GSTZ1: variants seen among roughly 807,000 people sequenced by gnomAD.
The protein encoded by GSTZ1 is maleylacetoacetate isomerase.
A neutral mutation model predicts 35.9 loss-of-function variants in GSTZ1; 34 were observed. The ratio of observed to expected loss-of-function variants is 0.95; its 90% confidence interval spans 0.72 to 1.26. The LOEUF is 1.26. GSTZ1 is among the 50% of genes most tolerant of loss of function. GSTZ1 has a pLI of 0.00. For synonymous variants in GSTZ1, 93 were observed against 101.2 expected, an observed-to-expected ratio of 0.92 and a Z score of 0.49; for missense variants, 263 against 271.7, an observed-to-expected ratio of 0.97 and a Z score of 0.23.
At chr14:77,324,709 G>A (rs1892220163) in intron 1 of GSTZ1, 161 bp from the exon 2 acceptor site, 2 of 1,171,840 alleles carry the variant, frequency 1.7e-6, no homozygotes, top group Non-Finnish European at 2.5e-6. Flanking sequence ...GGAGCCAAGG[G>A]ACCTCATGAG....
intron 5 of GSTZ1, chr14:77,328,834 C>T: frequency 2.2e-6 from 1 of 459,128 alleles, no homozygotes; most frequent in Admixed American, 3.4e-5. Flanking sequence ...CCTGCCACAG[C>T]CATGGCCGCG....
chr14:77,328,264 G>A (rs1039047845), intron 5 of GSTZ1: 18 of 547,026 alleles, frequency 3.3e-5, no homozygotes, highest in Admixed American at 1.9e-4. Context: ...TTCCAAGGAC[G>A]CATGTACAGG....
At chr14:77,321,260 T>C (rs1391818115) in intron 1 of GSTZ1, 77 bp downstream of exon 1, 1 of 1,526,158 alleles carries the variant, frequency 6.6e-7, no homozygotes. Flanking sequence ...AGAAGTGAGC[T>C]GCACCGCCCG....
chr14:77,330,518 G>T (rs369922442), intron 8 of GSTZ1, among the ~76,000 whole-genome samples, 159 bp downstream of exon 8: 25 of 152,300 alleles, frequency 1.6e-4, no homozygotes, highest in African/African-American at 5.5e-4. Context: ...GAGGGCAGAA[G>T]AAATTGGGGC....
rs546296547 is a variant in GSTZ1, at chr14:77,329,201, G to C, written c.421G>C (p.Ala141Pro). The C allele has an allele frequency of 3.8e-6, 6 of 1,591,322 alleles. No homozygotes were observed. In the African/African-American group the frequency reaches 6.7e-5, roughly 18 times the overall value. ...GAACGCCATCACTTGTGGCTTTAAC[G>C]GTGAGTCCTCACCTCTGTGAGCTGC... ...AQNAITCGFN[A>P]LEQILQSTAG... The change falls in exon 6 of 9, where the codon GCC becomes CCC. Residue 141 changes from alanine (A) to proline (P), a missense_variant and splice_region_variant. By Grantham distance (27) the Ala-to-Pro change is conservative (BLOSUM62 -1). Transcript: ENST00000216465.
intron 6 of GSTZ1, 71 bp downstream of exon 6, chr14:77,329,272 G>A: frequency 1.9e-6 from 2 of 1,033,468 alleles, no homozygotes; most frequent in East Asian, 2.4e-5. Context: ...ACAGGGGCCT[G>A]GGTATCTGAA....
Position 77,322,785 on chromosome 14 carries a change from C to T in GSTZ1, c.15+1602C>T, listed in dbSNP as rs555283719. 8 of 850,180 alleles carry T rather than the reference C, an allele frequency of 9.4e-6. No homozygotes were observed. The Admixed American group carries it at 2.5e-4, about 26-fold the overall frequency. 52.7% of individuals were successfully genotyped at this position (850,180 alleles called of 1,614,324 possible). A position where few individuals can be genotyped will look rare whatever the true frequency, so the allele number is the denominator to read the frequency against. ...GGGCTTGGGAACCATCTTGGAAGGGCCTAGGTTCCCACTTACACCCTTGCC... is the reference window on the plus strand; with the variant it reads ...GGGCTTGGGAACCATCTTGGAAGGGTCTAGGTTCCCACTTACACCCTTGCC... On this transcript the variant is annotated intron_variant, in intron 1 of 8. Transcript: ENST00000216465.
In GSTZ1 at chr14:77,321,188, G is replaced by A; in HGVS notation, c.15+5G>A. On this transcript the variant is annotated splice_donor_5th_base_variant and intron_variant, in intron 1 of 8. Coordinates refer to ENST00000216465, the MANE Select transcript of GSTZ1 (RefSeq NM_145870.3). ...TGCCAGATGCAGGCGGGGAAGGTCTGTGACGCGCACCCGGGTGGAGGGAAG... is the reference window on the plus strand; with the variant it reads ...TGCCAGATGCAGGCGGGGAAGGTCTATGACGCGCACCCGGGTGGAGGGAAG... 6.7e-7 allele frequency: 1 copy of A among 1,482,086 alleles called. No individual in the cohort carries two copies. Among genetic ancestry groups the A allele is most frequent in the Non-Finnish European group, 9.0e-7 (1 of 1,108,808 alleles). 91.8% of individuals were successfully genotyped at this position (1,482,086 alleles called of 1,614,324 possible).
intron 3 of GSTZ1, chr14:77,327,195 A>G: frequency 1.7e-6 from 1 of 592,338 alleles, no homozygotes; most frequent in Non-Finnish European, 3.0e-6. Flanking sequence ...GGCCCTCTGG[A>G]TGGCTGACTA....
intron 2 of GSTZ1, chr14:77,326,479 T>TG (rs541403775): frequency 9.5e-4 from 199 of 209,006 alleles, no homozygotes; most frequent in African/African-American, 4.1e-3. Context: ...TTTAAGGCCC[T>TG]GGGGGGGCAG....
At chr14:77,329,075 C>G in intron 5 of GSTZ1, 48 bp from the exon 6 acceptor site, 1 of 1,339,334 alleles carries the variant, frequency 7.5e-7, no homozygotes, top group East Asian at 2.3e-5. Context: ...AAGGGGTAGC[C>G]CCCACCCAGC....
intron 5 of GSTZ1, 157 bp downstream of exon 5, chr14:77,328,194 T>C: frequency 1.4e-6 from 1 of 735,798 alleles, no homozygotes; most frequent in South Asian, 1.8e-5. Context: ...GGGGTGAAGA[T>C]CGCAATCTCA....
intron 1 of GSTZ1, chr14:77,321,432 C>G (rs139988590): frequency 6.6e-7 from 1 of 1,525,146 alleles, no homozygotes; most frequent in Non-Finnish European, 8.8e-7. Flanking sequence ...GCTGTCCGGT[C>G]GCGCTTCACT....
intron 1 of GSTZ1, chr14:77,324,079 G>A (rs4147579): frequency 0.32 from 50,909 of 159,596 alleles, 8,286 homozygotes; most frequent in East Asian, 0.45. Context: ...ACCAGGCCAC[G>A]CTCTGTTGGG....
intron 5 of GSTZ1, chr14:77,328,819 G>A: frequency 2.3e-6 from 1 of 427,014 alleles, no homozygotes; most frequent in Non-Finnish European, 4.4e-6. Flanking sequence ...CGAGTTGTGG[G>A]CACACCTGCC....
chr14:77,330,052 C>G (rs541311551), intron 7 of GSTZ1: 1 of 659,038 alleles, frequency 1.5e-6, no homozygotes, highest in Admixed American at 2.1e-5. Context: ...TCTGCGCAGT[C>G]AAGGCAATCC....
rs1345116384 is a variant in GSTZ1, at chr14:77,331,144, G to A, written c.600G>A (p.Gln200=). The part of the protein sequence containing the change: ...NKRLLVLEAF[Q]VSHPCRQPDT... ...GGCTGCTGGTCTTGGAGGCCTTCCA[G>A]GTGTCTCACCCCTGCCGGCAGCCAG... Residue 200 remains glutamine, a synonymous_variant, in exon 9 of 9, where the codon CAG becomes CAA. Transcript: ENST00000216465. 6.2e-7 allele frequency: 1 copy of A among 1,614,106 alleles called. No homozygotes were observed. Among genetic ancestry groups the A allele is most frequent in the Non-Finnish European group, 8.5e-7 (1 of 1,179,998 alleles).
intron 1 of GSTZ1, chr14:77,322,852 A>C: frequency 4.3e-6 from 1 of 233,762 alleles, no homozygotes; most frequent in Non-Finnish European, 7.0e-6. Context: ...GGCAATAGCA[A>C]GTTCAGAGAG....
At chr14:77,324,573 T>C in intron 1 of GSTZ1, 1 of 1,532,500 alleles carries the variant, frequency 6.5e-7, no homozygotes, top group Non-Finnish European at 8.7e-7. Flanking sequence ...AGAGGGGACA[T>C]TTCCTGGGAG....
Sources: gnomAD v4.1 joint callset for allele counts (sites outside exome capture counted in the v4.1 genomes callset) on GRCh38, gnomAD v4.1.1 for gene constraint, MANE v1.5 for transcripts, NCBI Gene and HGNC (gene_info 2026-07-23, HGNC 2026-07-21) for gene names.